The following PALLD variants were observed in gnomAD, a reference collection of about 807,000 sequenced individuals.
PALLD encodes the protein palladin, cytoskeletal associated protein.
Under a neutral mutation model 123.5 loss-of-function variants are expected in PALLD, and 61 were observed. The ratio of observed to expected loss-of-function variants is 0.49; its 90% CI spans 0.40 to 0.61. PALLD has a LOEUF of 0.61. PALLD is among the 20% of genes least tolerant of loss of function. The pLI is 0.00. For synonymous variants in PALLD, 465 were observed against 496.4 expected, an observed-to-expected ratio of 0.94 and a Z score of 0.84; for missense variants, 1,273 against 1,377.0, an observed-to-expected ratio of 0.92 and a Z score of 1.20.
At chr4:168,884,446 C>A (rs944182190) in intron 10 of PALLD, among the ~76,000 whole-genome samples, 4 of 152,192 alleles carry the variant, frequency 2.6e-5, no homozygotes, top group Admixed American at 6.5e-5. Context: ...CATAGCCAGC[C>A]ACTTCCTATG....
In PALLD at chr4:168,765,674, G is replaced by A. The variant is rs887544857; in HGVS notation, c.1964+53751G>A. On this transcript the variant is annotated intron_variant, in intron 10 of 21. Transcript: ENST00000505667. ...TTCCCAAAGAACAGACATACCAGGA[G>A]CCAGAAAGTAGCTTTTAATTAATGA... Among the ~76,000 whole-genome samples the A allele has an allele frequency of 2.0e-5, 3 of 152,252 alleles. No individual in the cohort carries two copies. In the East Asian group the frequency reaches 5.8e-4, roughly 29 times the overall value.
At chr4:168,740,077 A>G (rs2150343922) in intron 10 of PALLD, among the ~76,000 whole-genome samples, 1 of 152,274 alleles carries the variant, frequency 6.6e-6, no homozygotes, top group Admixed American at 6.5e-5. Context: ...AAAAAAAATG[A>G]CACATGCCAT....
chr4:168,550,547 C>T (rs1429873755), intron 2 of PALLD, among the ~76,000 whole-genome samples: 1 of 151,904 alleles, frequency 6.6e-6, no homozygotes, highest in Non-Finnish European at 1.5e-5. Context: ...ATCTGGACTT[C>T]AAGCTAGAGA....
intron 10 of PALLD, among the ~76,000 whole-genome samples, chr4:168,838,009 G>A (rs1745443886): frequency 6.6e-6 from 1 of 152,202 alleles, no homozygotes; most frequent in South Asian, 2.1e-4. Flanking sequence ...GGCAAGTAGA[G>A]AATACAGGCT....
In PALLD at chr4:168,731,680, C is replaced by T. The variant is rs533999412; in HGVS notation, c.1964+19757C>T. 3.3e-5 allele frequency among the ~76,000 whole-genome samples: 5 copies of T among 152,284 alleles called. No homozygotes were observed. In the South Asian group the frequency reaches 8.3e-4, roughly 25 times the overall value. ...GCAAAAAACTGTAAGTGAATTATTC[C>T]TCTGCTATGCTGAGTTTTCTTCCTC... On this transcript the variant is annotated intron_variant, in intron 10 of 21. Transcript: ENST00000505667.
intron 11 of PALLD, among the ~76,000 whole-genome samples, chr4:168,891,599 G>A (rs1308327202): frequency 1.3e-5 from 2 of 151,940 alleles, no homozygotes; most frequent in African/African-American, 4.8e-5. Flanking sequence ...TTCTAAGAGT[G>A]AAGAGAGTAA....
At chr4:168,512,633 A>G (rs901148422) in intron 2 of PALLD, among the ~76,000 whole-genome samples, 1 of 152,232 alleles carries the variant, frequency 6.6e-6, no homozygotes, top group Non-Finnish European at 1.5e-5. Context: ...GAAGGAAGGC[A>G]AAGGACTTGA....
chr4:168,815,617 G>A (rs1412704200), intron 10 of PALLD, among the ~76,000 whole-genome samples: 3 of 152,308 alleles, frequency 2.0e-5, no homozygotes, highest in Middle Eastern at 3.4e-3. Flanking sequence ...GGGAGAGAAC[G>A]TGCTTCCTAT....
intron 2 of PALLD, among the ~76,000 whole-genome samples, chr4:168,527,422 CAAAAAA>C (rs35555541): frequency 8.3e-4 from 44 of 52,916 alleles, no homozygotes; most frequent in African/African-American, 4.4e-3. Context: ...AACTCCATCT[CAAAAAA>C]AAAAAAAAAA....
At chr4:168,913,451 A>G (rs1759461072) in intron 15 of PALLD, among the ~76,000 whole-genome samples, 2 of 152,048 alleles carry the variant, frequency 1.3e-5, no homozygotes, top group South Asian at 4.1e-4. Flanking sequence ...ACTAACATTT[A>G]ATTAGTATAT....
intron 10 of PALLD, among the ~76,000 whole-genome samples, chr4:168,780,988 A>T (rs1183200912): frequency 6.6e-6 from 1 of 152,168 alleles, no homozygotes; most frequent in East Asian, 1.9e-4. Context: ...GCACCCGGCC[A>T]TGTGTAGTTT....
intron 2 of PALLD, among the ~76,000 whole-genome samples, chr4:168,565,569 C>G (rs1768289191): frequency 6.6e-6 from 1 of 152,054 alleles, no homozygotes; most frequent in South Asian, 2.1e-4. Context: ...CATGAGGAGA[C>G]TGGGGAGGTC....
At chr4:168,548,857 A>G (rs2149531739) in intron 2 of PALLD, among the ~76,000 whole-genome samples, 1 of 152,282 alleles carries the variant, frequency 6.6e-6, no homozygotes, top group East Asian at 1.9e-4. Context: ...AAATAATATG[A>G]AAGTTGCAGA....
chr4:168,782,948 C>A (rs1225195324), intron 10 of PALLD, among the ~76,000 whole-genome samples: 6 of 151,634 alleles, frequency 4.0e-5, no homozygotes, highest in Admixed American at 3.9e-4. Flanking sequence ...ACTTTTTTTA[C>A]AAAAGCAAGC....
At position 168,896,726 on chromosome 4, in the gene PALLD, T is replaced by G. The variant is rs1755264029; in HGVS notation, c.2250+127T>G. Reference sequence around the variant, plus strand: ...AATTATAAATGCTATGACCAGTGTCTGTTTCATTTAATATCAGATACACAA... The same window carrying G: ...AATTATAAATGCTATGACCAGTGTCGGTTTCATTTAATATCAGATACACAA... On this transcript the variant is annotated intron_variant, in intron 13 of 21. Coordinates refer to ENST00000505667, the MANE Select transcript of PALLD (RefSeq NM_001166108.2). 4 of 629,250 alleles carry G rather than the reference T, an allele frequency of 6.4e-6. No homozygotes were observed. The Admixed American group carries it at 1.4e-4, about 21-fold the overall frequency. 39.0% of individuals were successfully genotyped at this position (629,250 alleles called of 1,614,324 possible).
chr4:168,720,818 G>A (rs1440792239), intron 10 of PALLD, among the ~76,000 whole-genome samples: 1 of 152,194 alleles, frequency 6.6e-6, no homozygotes, highest in African/African-American at 2.4e-5. Context: ...CCCTGAAAAT[G>A]AGAAGTCCAA....
chr4:168,604,334 A>G (rs1033222536), intron 2 of PALLD, among the ~76,000 whole-genome samples: 1 of 152,236 alleles, frequency 6.6e-6, no homozygotes, highest in African/African-American at 2.4e-5. Flanking sequence ...GCTTTAAGAA[A>G]GAAATGTACC....
chr4:168,538,350 C>T (rs991591405), intron 2 of PALLD, among the ~76,000 whole-genome samples: 3 of 151,798 alleles, frequency 2.0e-5, no homozygotes, highest in African/African-American at 7.3e-5. Flanking sequence ...GGTAAGTATA[C>T]AAAGAAAATT....
At chr4:168,590,715 G>A (rs1445021203) in intron 2 of PALLD, among the ~76,000 whole-genome samples, 1 of 152,026 alleles carries the variant, frequency 6.6e-6, no homozygotes, top group African/African-American at 2.4e-5. Flanking sequence ...AGATGTCCGT[G>A]GCACACAGTA....
Sources: allele counts gnomAD v4.1 joint callset (sites outside exome capture counted in the v4.1 genomes callset), GRCh38; gene constraint gnomAD v4.1.1; transcripts MANE v1.5; gene names NCBI Gene and HGNC (gene_info 2026-07-23, HGNC 2026-07-21).